The following LIG1 variants were observed in gnomAD, a reference collection of about 807,000 sequenced individuals.
LIG1 encodes the protein DNA ligase 1, also known as ligase I, DNA, ATP-dependent.
LIG1 carries 70 observed loss-of-function variants against 115.7 expected under a neutral mutation model. That is an observed-to-expected ratio of 0.60 (90% CI 0.50 to 0.74). The LOEUF is 0.74. Ranked by LOEUF, LIG1 falls within the 30% of genes least tolerant of loss-of-function variation. The pLI is 0.00. For missense variants in LIG1, 1,115 were observed against 1,225.6 expected (o/e 0.91, Z 1.35); for synonymous variants, 487 against 495.3 (o/e 0.98, Z 0.22).
intron 12 of LIG1, among the ~76,000 whole-genome samples, chr19:48,138,859 T>C (rs1488843282): frequency 1.3e-4 from 20 of 152,232 alleles, no homozygotes; most frequent in Non-Finnish European, 1.5e-5. Context: ...GGGTCTGGTA[T>C]GACGTCAGTG....
At chr19:48,159,804 G>A (rs566236862) in intron 4 of LIG1, among the ~76,000 whole-genome samples, 21 of 152,156 alleles carry the variant, frequency 1.4e-4, no homozygotes, top group African/African-American at 3.1e-4. Flanking sequence ...TGCAAGCTCC[G>A]CCTCCCGGGT....
At chr19:48,158,746 G>A (rs2036000054) in intron 4 of LIG1, among the ~76,000 whole-genome samples, 1 of 152,196 alleles carries the variant, frequency 6.6e-6, no homozygotes, top group African/African-American at 2.4e-5. Flanking sequence ...CTTGCCACGT[G>A]GTACCTGATC....
At chr19:48,139,334 G>A (rs2034590587) in intron 12 of LIG1, among the ~76,000 whole-genome samples, 1 of 152,216 alleles carries the variant, frequency 6.6e-6, no homozygotes. Context: ...AGATCCTGGA[G>A]GCATTCCTCC....
At chr19:48,157,317 G>A (rs2035914350) in intron 4 of LIG1, among the ~76,000 whole-genome samples, 177 bp from the exon 5 acceptor site, 1 of 152,132 alleles carries the variant, frequency 6.6e-6, no homozygotes, top group Non-Finnish European at 1.5e-5. Flanking sequence ...GCCCTCCAGT[G>A]CAGGATCATG....
At position 48,137,166 on chromosome 19, in the gene LIG1, G is replaced by A. The variant is rs993722411; in HGVS notation, c.1255-82C>T. 2.5e-6 allele frequency: 3 copies of A among 1,201,340 alleles called. No homozygotes were observed. Among genetic ancestry groups the A allele is most frequent in the Middle Eastern group, 2.3e-4 (1 of 4,418 alleles). 74.4% of individuals were successfully genotyped at this position (1,201,340 alleles called of 1,614,324 possible). A position where few individuals can be genotyped will look rare whatever the true frequency, so the allele number is the denominator to read the frequency against. On this transcript the variant is annotated intron_variant, in intron 13 of 27. Coordinates refer to ENST00000263274, the MANE Select transcript of LIG1 (RefSeq NM_000234.3). This position sits in a 1 kb window ranked among gnomAD's most constrained non-coding sequence, Gnocchi z 4.3. The stretch of plus-strand genomic sequence containing the variant: ...ACCCCACCAGCCGTGCTGCTGCCCT[G>A]CATTTTGGAATACCTGCCCTCCTTC...
intron 1 of LIG1, 78 bp from the exon 2 acceptor site, chr19:48,165,701 G>C: frequency 3.5e-6 from 3 of 861,422 alleles, no homozygotes; most frequent in Non-Finnish European, 5.2e-6. Context: ...CTTTCTTTAA[G>C]AAAGAAAGAA....
chr19:48,153,691 C>CACACA (rs1568538385), intron 6 of LIG1, among the ~76,000 whole-genome samples, 181 bp downstream of exon 6: 35 of 113,694 alleles, frequency 3.1e-4, no homozygotes, highest in South Asian at 5.6e-4. Flanking sequence ...CACACACACA[C>CACACA]CTCTCCTTCT....
Position 48,136,047 on chromosome 19 carries a change from C to G in LIG1, c.1410G>C (p.Thr470=). The G allele has an allele frequency of 6.4e-7, 1 of 1,566,038 alleles. No individual in the cohort carries two copies. The highest frequency in any genetic ancestry group is 8.7e-7 in the Non-Finnish European group (1 of 1,155,986). ...ACAGGAGCTCACCTTGGCCCGGGGG[C>G]GTGAGGCTCACTGCCTGGGAGAGGG... ...LAALSQAVSL[T]PPGQEFPPAM... is the part of the protein sequence containing the mutation. The change falls in exon 15 of 28, where the codon ACG becomes ACC. Residue 470 remains threonine, a synonymous_variant. Transcript: ENST00000263274.
intron 25 of LIG1, 87 bp from the exon 26 acceptor site, chr19:48,117,868 G>A: frequency 6.7e-7 from 1 of 1,481,770 alleles, no homozygotes; most frequent in African/African-American, 1.4e-5. Context: ...GAGGGAGGAA[G>A]GGAAAAAAAC....
chr19:48,137,548 C>T lies in LIG1; in HGVS notation c.1228G>A (p.Asp410Asn), dbSNP rs2034470738. 6.2e-7 allele frequency: 1 copy of T among 1,613,278 alleles called. No individual in the cohort carries two copies. Among genetic ancestry groups the T allele is most frequent in the Non-Finnish European group, 8.5e-7 (1 of 1,180,010 alleles). The change falls in exon 13 of 28, where the codon GAC becomes AAC. Residue 410 changes from aspartate (D) to asparagine (N), a missense_variant. By Grantham distance (23) the Asp-to-Asn change is conservative. Transcript: ENST00000263274. The surrounding 1 kb of genome is among the most constrained non-coding windows in gnomAD (Gnocchi z 4.3). ...TASGVFSKFR[D>N]IARLTGSAST... The stretch of plus-strand genomic sequence containing the variant: ...GCACTGCCAGTGAGCCTGGCGATGT[C>T]GCGGAACTTGCTGAAGACCCCGGAG...
intron 7 of LIG1, 45 bp from the exon 8 acceptor site, chr19:48,150,255 G>A: frequency 6.2e-7 from 1 of 1,613,218 alleles, no homozygotes; most frequent in Non-Finnish European, 8.5e-7. Flanking sequence ...CTTTGACCCT[G>A]AGACTTTTTT....
intron 2 of LIG1, among the ~76,000 whole-genome samples, chr19:48,164,646 G>T (rs1476261922): frequency 6.6e-6 from 1 of 152,248 alleles, no homozygotes; most frequent in African/African-American, 2.4e-5. Flanking sequence ...CAACCTCAAG[G>T]ACAGTAGAGC....
intron 12 of LIG1, among the ~76,000 whole-genome samples, chr19:48,138,604 G>A (rs1020191557): frequency 2.6e-5 from 4 of 152,168 alleles, no homozygotes; most frequent in Non-Finnish European, 5.9e-5. Context: ...CAACAAACCC[G>A]GGACTTGGAC....
intron 9 of LIG1, among the ~76,000 whole-genome samples, chr19:48,149,009 A>G (rs894505450): frequency 6.6e-6 from 1 of 152,060 alleles, no homozygotes; most frequent in Non-Finnish European, 1.5e-5. Flanking sequence ...CAGCACATAC[A>G]CTAAATCTGG....
chr19:48,150,264 T>G, intron 7 of LIG1, 54 bp from the exon 8 acceptor site: 1 of 1,611,456 alleles, frequency 6.2e-7, no homozygotes, highest in Non-Finnish European at 8.5e-7. Flanking sequence ...TGAGACTTTT[T>G]TTTTCTTTTT....
intron 4 of LIG1, among the ~76,000 whole-genome samples, chr19:48,160,536 G>T (rs2036113284): frequency 6.6e-6 from 1 of 152,072 alleles, no homozygotes. Flanking sequence ...TAATACCAGG[G>T]GGTTTGGGCA....
At chr19:48,150,346 G>T (rs934380507) in intron 7 of LIG1, 136 bp from the exon 8 acceptor site, 6 of 1,337,986 alleles carry the variant, frequency 4.5e-6, no homozygotes, top group Non-Finnish European at 6.2e-6. Context: ...CTTTCTGTTA[G>T]CTTTGAGCTG....
chr19:48,144,474 C>T (rs978807929), intron 9 of LIG1, among the ~76,000 whole-genome samples: 4 of 152,134 alleles, frequency 2.6e-5, no homozygotes, highest in East Asian at 1.9e-4. Context: ...AACACCACAT[C>T]GATTAACAAT....
At chr19:48,160,414 C>T (rs11672629) in intron 4 of LIG1, among the ~76,000 whole-genome samples, 45,966 of 151,942 alleles carry the variant, frequency 0.3, 8,153 homozygotes, top group East Asian at 0.55. Flanking sequence ...CAGGATGGAG[C>T]GAGCTGAGGA....
Sources: gnomAD v4.1 joint callset for allele counts (sites outside exome capture counted in the v4.1 genomes callset) on GRCh38, gnomAD v4.1.1 for gene constraint, Gnocchi (gnomAD v3.1) non-coding constraint, MANE v1.5 for transcripts, NCBI Gene and HGNC (gene_info 2026-07-23, HGNC 2026-07-21) for gene names.